The following IDH3G variants were observed in gnomAD, a reference collection of about 807,000 sequenced individuals.
IDH3G encodes isocitrate dehydrogenase [NAD] subunit gamma, mitochondrial.
In IDH3G, 9 loss-of-function variants were observed where a neutral mutation model predicts 26.9. The ratio of observed to expected loss-of-function variants is 0.34; its 90% CI spans 0.20 to 0.58. IDH3G has a LOEUF of 0.58. Ranked by LOEUF, IDH3G falls within the 20% of genes least tolerant of loss-of-function variation. IDH3G has a pLI of 0.85. For missense variants in IDH3G, 250 were observed against 372.8 expected (o/e 0.67, Z 2.71); for synonymous variants, 181 against 160.0 (o/e 1.13, Z -0.99).
At chrX:153,792,053 G>A (rs1181837564) in intron 1 of IDH3G, among the ~76,000 whole-genome samples, 2 of 112,368 alleles carry the variant, frequency 1.8e-5, no homozygotes, top group Non-Finnish European at 3.8e-5. Context: ...TAAGCACGCA[G>A]AAAGCGGCTT....
intron 1 of IDH3G, chrX:153,792,270 G>C (rs1302639268): frequency 8.9e-6 from 1 of 112,170 alleles, no homozygotes; most frequent in Non-Finnish European, 1.9e-5. Context: ...GGCACATAAG[G>C]AACATTTCCT....
chrX:153,792,023 A>T (rs2092110965), intron 1 of IDH3G, among the ~76,000 whole-genome samples: 1 of 112,064 alleles, frequency 8.9e-6, no homozygotes, highest in Non-Finnish European at 1.9e-5. Flanking sequence ...ATCTGAAATC[A>T]TCTTATTTGG....
chrX:153,789,060 G>A (rs2092099380), intron 5 of IDH3G: 2 of 336,856 alleles, frequency 5.9e-6, no homozygotes, highest in Non-Finnish European at 1.2e-5. Context: ...AGGGGTGGGA[G>A]GGAACCCATC....
intron 5 of IDH3G, 109 bp from the exon 6 acceptor site, chrX:153,788,244 G>T: frequency 1.4e-6 from 1 of 704,824 alleles, no homozygotes. Context: ...AATGTTTCCT[G>T]AACACTAGAA....
intron 5 of IDH3G, 92 bp from the exon 6 acceptor site, chrX:153,788,227 G>A (rs1369956887): frequency 1.3e-5 from 11 of 876,202 alleles, no homozygotes; most frequent in Non-Finnish European, 1.8e-5. Context: ...AAGACTTGGG[G>A]AGCAAAAATG....
Position 153,788,066 on chromosome X carries a change from G to A in IDH3G, c.407+9C>T, listed in dbSNP as rs782629447. ...CACCAAGCCCCCAGCCCGCACACCC[G>A]GATCTCACCGAAGGATGTTGTTTCG... On this transcript the variant is annotated intron_variant, in intron 6 of 12. Coordinates refer to ENST00000217901, the MANE Select transcript of IDH3G (RefSeq NM_004135.4). The A allele has an allele frequency of 1.6e-5, 19 of 1,211,375 alleles. No individual in the cohort carries two copies. The highest frequency in any genetic ancestry group is 8.9e-5 in the East Asian group (3 of 33,823).
intron 4 of IDH3G, 149 bp downstream of exon 4, chrX:153,790,046 G>A (rs1444132374): frequency 2.7e-5 from 14 of 513,212 alleles, no homozygotes; most frequent in South Asian, 8.8e-5. Context: ...CCAGTCTGGC[G>A]GGATCACAGG....
In IDH3G at chrX:153,790,580, A is replaced by G. The variant is rs2092105696; in HGVS notation, c.124-5T>C. On this transcript the variant is annotated splice_region_variant and splice_polypyrimidine_tract_variant and intron_variant, in intron 2 of 12. Coordinates refer to ENST00000217901, the MANE Select transcript of IDH3G (RefSeq NM_004135.4). ...AATACTCACAATTGTTTGTTCCTAG[A>G]AAGGATGAGAAAGGAAGAAGACACA... 2 of 1,204,667 alleles carry G rather than the reference A, an allele frequency of 1.7e-6. No individual in the cohort carries two copies. Among genetic ancestry groups the G allele is most frequent in the African/African-American group, 1.7e-5 (1 of 57,242 alleles).
At chrX:153,787,017 C>G (rs1557069339) in intron 9 of IDH3G, 34 bp downstream of exon 9, 2 of 1,193,688 alleles carry the variant, frequency 1.7e-6, no homozygotes, top group East Asian at 6.0e-5. Flanking sequence ...CCAGGGCACT[C>G]AGGGCAGGGG....
intron 1 of IDH3G, chrX:153,794,028 C>A (rs1241016369): frequency 3.1e-4 from 118 of 380,361 alleles, no homozygotes; most frequent in Non-Finnish European, 4.8e-4. Context: ...GAGGGCCCCC[C>A]GCCACCCGAT....
At chrX:153,791,269 G>A (rs1352583221) in intron 1 of IDH3G, 1 of 145,010 alleles carries the variant, frequency 6.9e-6, no homozygotes. Context: ...TTATCACTTC[G>A]CCGATCACTT....
At chrX:153,794,088 C>T (rs2092122021) in intron 1 of IDH3G, 158 bp downstream of exon 1, 1 of 583,111 alleles carries the variant, frequency 1.7e-6, no homozygotes, top group Admixed American at 4.2e-5. Context: ...CCAATCCCCT[C>T]AGTGACAGCG....
intron 1 of IDH3G, 53 bp downstream of exon 1, chrX:153,794,193 C>T: frequency 8.9e-7 from 1 of 1,128,485 alleles, no homozygotes; most frequent in South Asian, 2.0e-5. Context: ...TGCGGCTACC[C>T]CACCGCTCCC....
At chrX:153,786,728 G>A in intron 10 of IDH3G, 73 bp downstream of exon 10, 5 of 1,102,745 alleles carry the variant, frequency 4.5e-6, no homozygotes, top group Non-Finnish European at 6.2e-6. Context: ...CTAACCGGAT[G>A]GGATGAGTGT....
At chrX:153,786,020 C>A (rs782616614) in intron 12 of IDH3G, 47 bp from the exon 13 acceptor site, 16 of 1,209,151 alleles carry the variant, frequency 1.3e-5, no homozygotes, top group Non-Finnish European at 1.8e-5. Context: ...CTGCCACCCC[C>A]CGCTGTCTCC....
intron 10 of IDH3G, 152 bp downstream of exon 10, chrX:153,786,649 T>C (rs1196383777): frequency 4.4e-6 from 3 of 678,310 alleles, no homozygotes; most frequent in Non-Finnish European, 6.7e-6. Context: ...TGTTCTGGAA[T>C]GACCTGGTGG....
intron 12 of IDH3G, 48 bp downstream of exon 12, chrX:153,786,164 G>C: frequency 8.3e-7 from 1 of 1,205,305 alleles, no homozygotes; most frequent in Non-Finnish European, 1.1e-6. Flanking sequence ...GGAGGCTGCA[G>C]GGGGAGACTG....
intron 9 of IDH3G, 32 bp from the exon 10 acceptor site, chrX:153,786,979 C>T (rs1557069319): frequency 3.3e-6 from 4 of 1,201,957 alleles, no homozygotes; most frequent in Admixed American, 4.4e-5. Context: ...GGCTGAGGAG[C>T]AGATTCGGAA....
At chrX:153,790,966 G>A (rs782248795) in intron 1 of IDH3G, 115 bp from the exon 2 acceptor site, 1 of 625,860 alleles carries the variant, frequency 1.6e-6, no homozygotes, top group East Asian at 3.4e-5. Context: ...TGTGCAGCAT[G>A]GCCCACTGCC....
Sources: allele counts gnomAD v4.1 joint callset (sites outside exome capture counted in the v4.1 genomes callset), GRCh38; gene constraint gnomAD v4.1.1; transcripts MANE v1.5; gene names NCBI Gene and HGNC (gene_info 2026-07-23, HGNC 2026-07-21).